Variants in NGF observed in about 807,000 individuals in gnomAD.
NGF encodes nerve growth factor.
A neutral mutation model predicts 12.8 loss-of-function variants in NGF; 4 were observed. The ratio of observed to expected loss-of-function variants is 0.31; its 90% confidence interval spans 0.15 to 0.72. The LOEUF (loss-of-function observed/expected upper bound fraction) is 0.72, where lower values mean the gene tolerates loss of function less well. NGF is among the 30% of genes least tolerant of loss of function. The pLI is 0.69. For missense variants in NGF, 283 were observed against 330.8 expected (o/e 0.86, Z 1.12); for synonymous variants, 140 against 130.0 (o/e 1.08, Z -0.52).
At chr1:115,300,194 A>G (rs1653994419) in intron 1 of NGF, among the ~76,000 whole-genome samples, 1 of 152,202 alleles carries the variant, frequency 6.6e-6, no homozygotes, top group African/African-American at 2.4e-5. Context: ...ATAAGACTAT[A>G]ATGCGATTCA....
At chr1:115,323,619 A>T (rs1318904633) in intron 1 of NGF, among the ~76,000 whole-genome samples, 2 of 152,208 alleles carry the variant, frequency 1.3e-5, no homozygotes, top group African/African-American at 4.8e-5. Flanking sequence ...ACATGAGGGT[A>T]ATTTGACACA....
intron 1 of NGF, among the ~76,000 whole-genome samples, chr1:115,322,702 G>A (rs1018978664): frequency 1.3e-5 from 2 of 152,160 alleles, no homozygotes; most frequent in African/African-American, 4.8e-5. Context: ...TATAAGCATT[G>A]CTATATTTAA....
At chr1:115,289,272 A>G (rs1653611140) in intron 2 of NGF, among the ~76,000 whole-genome samples, 2 of 152,248 alleles carry the variant, frequency 1.3e-5, no homozygotes, top group Non-Finnish European at 2.9e-5. Flanking sequence ...GATACATTAA[A>G]GGAGAAGAAA....
chr1:115,333,513 A>AG (rs1490756324), intron 1 of NGF, among the ~76,000 whole-genome samples: 2 of 151,400 alleles, frequency 1.3e-5, no homozygotes, highest in Non-Finnish European at 2.9e-5. Context: ...AAAAAAAAAA[A>AG]AAAAAAAAAG....
At chr1:115,328,130 G>A (rs1194082525) in intron 1 of NGF, among the ~76,000 whole-genome samples, 2 of 151,402 alleles carry the variant, frequency 1.3e-5, no homozygotes, top group African/African-American at 4.9e-5. Flanking sequence ...GAGTACTAGC[G>A]GTGAAAATGG....
intron 1 of NGF, among the ~76,000 whole-genome samples, chr1:115,328,580 T>C (rs1411761483): frequency 6.6e-6 from 1 of 152,218 alleles, no homozygotes; most frequent in Non-Finnish European, 1.5e-5. Context: ...CTCTCTGCTC[T>C]GGGCAGAAAC....
intron 1 of NGF, among the ~76,000 whole-genome samples, chr1:115,295,526 G>A (rs1653840560): frequency 6.6e-6 from 1 of 152,144 alleles, no homozygotes; most frequent in African/African-American, 2.4e-5. Context: ...TTACTCATGG[G>A]AAGATGGTTT....
chr1:115,337,267 G>GTTTGTTTTTTTT lies in NGF; in HGVS notation c.-137+936_-137+937insAAAAAAAACAAA. On this transcript the variant is annotated intron_variant, in intron 1 of 2. Coordinates refer to ENST00000369512, the MANE Select transcript of NGF (RefSeq NM_002506.3). ...TCGAAATTTTTTTTGTTTTGTTTTT[G>GTTTGTTTTTTTT]TTTTTTTTTTTTTTTTTTTTTTTTT... Among the ~76,000 whole-genome samples the GTTTGTTTTTTTT allele has an allele frequency of 3.0e-3, 247 of 81,020 alleles. 30 individuals carry two copies. Among genetic ancestry groups the GTTTGTTTTTTTT allele is most frequent in the African/African-American group, 3.8e-3 (72 of 18,892 alleles). 53.2% of individuals were successfully genotyped at this position (81,020 alleles called of 152,430 possible). A position where few individuals can be genotyped will look rare whatever the true frequency, so the allele number is the denominator to read the frequency against.
At chr1:115,322,629 G>A (rs1284621528) in intron 1 of NGF, among the ~76,000 whole-genome samples, 8 of 152,164 alleles carry the variant, frequency 5.3e-5, no homozygotes, top group Non-Finnish European at 1.2e-4. Flanking sequence ...GGGAAGACTG[G>A]TTGTGATAAC....
At chr1:115,325,780 T>A (rs1233093815) in intron 1 of NGF, among the ~76,000 whole-genome samples, 1 of 152,180 alleles carries the variant, frequency 6.6e-6, no homozygotes, top group Non-Finnish European at 1.5e-5. Context: ...GATTGGATTC[T>A]GACTACATTT....
At chr1:115,318,401 G>GTGGGGA (rs1571090342) in intron 1 of NGF, among the ~76,000 whole-genome samples, 3 of 152,284 alleles carry the variant, frequency 2.0e-5, no homozygotes, top group East Asian at 3.9e-4. Flanking sequence ...TTTGCCAGCG[G>GTGGGGA]TGGGGATGGG....
chr1:115,309,478 A>C (rs1654286546), intron 1 of NGF, among the ~76,000 whole-genome samples: 2 of 152,170 alleles, frequency 1.3e-5, no homozygotes, highest in South Asian at 4.1e-4. Flanking sequence ...GCAGAATGGC[A>C]GTTTTGTTAC....
chr1:115,286,955 T>C, intron 2 of NGF, 148 bp from the exon 3 acceptor site: 1 of 989,336 alleles, frequency 1.0e-6, no homozygotes, highest in South Asian at 1.4e-5. Flanking sequence ...AAGGGTGTGC[T>C]AGCAATGGTT....
rs58345237 is a variant in NGF at position 115,304,329 on chromosome 1, A to ATTTTTTTTTTTTTTTTTTTTTTTTT, written c.-136-10580_-136-10579insAAAAAAAAAAAAAAAAAAAAAAAAA. On this transcript the variant is annotated intron_variant, in intron 1 of 2. Coordinates refer to ENST00000369512, the MANE Select transcript of NGF (RefSeq NM_002506.3). ...AGGAGCGCACCACCATGCTTGGCTAATTTTTTTTTTTTTTTTGTATTTTTA... is the reference window on the plus strand; with the variant it reads ...AGGAGCGCACCACCATGCTTGGCTAATTTTTTTTTTTTTTTTTTTTTTTTTTTTTTTTTTTTTTTTTGTATTTTTA... Among the ~76,000 whole-genome samples the ATTTTTTTTTTTTTTTTTTTTTTTTT allele has an allele frequency of 3.4e-3, 271 of 80,752 alleles. 20 individuals are homozygous for ATTTTTTTTTTTTTTTTTTTTTTTTT. The highest frequency in any genetic ancestry group is 4.7e-3 in the Non-Finnish European group (185 of 39,546). The allele number at this position is 80,752 out of a possible 152,430, so 53.0% of individuals were successfully genotyped here.
intron 1 of NGF, among the ~76,000 whole-genome samples, chr1:115,309,191 G>C (rs1654279752): frequency 6.6e-6 from 1 of 152,178 alleles, no homozygotes; most frequent in African/African-American, 2.4e-5. Flanking sequence ...TTACTCATCT[G>C]ACTGCCTTAG....
At position 115,297,003 on chromosome 1, in the gene NGF, G is replaced by A. The variant is rs550752362; in HGVS notation, c.-136-3253C>T. ...ATCATGTTCTATTCTTTCTTACAGGGCACAAAGGAATCCTAATAAAGTCTG... is the reference window on the plus strand; with the variant it reads ...ATCATGTTCTATTCTTTCTTACAGGACACAAAGGAATCCTAATAAAGTCTG... On this transcript the variant is annotated intron_variant, in intron 1 of 2. Transcript: ENST00000369512. 7.5e-4 allele frequency among the ~76,000 whole-genome samples: 114 copies of A among 152,254 alleles called. 1 individual carries two copies. Among genetic ancestry groups the A allele is most frequent in the African/African-American group, 2.6e-3 (108 of 41,540 alleles).
intron 2 of NGF, among the ~76,000 whole-genome samples, chr1:115,290,547 C>T (rs778197242): frequency 1.3e-5 from 2 of 151,682 alleles, no homozygotes; most frequent in East Asian, 3.9e-4. Context: ...AGGCACACGC[C>T]GCCACGCCTG....
chr1:115,314,116 A>G (rs1453754683), intron 1 of NGF, among the ~76,000 whole-genome samples: 1 of 152,226 alleles, frequency 6.6e-6, no homozygotes, highest in African/African-American at 2.4e-5. Flanking sequence ...TTGATTCTGT[A>G]GAAGTGTAGC....
At chr1:115,298,702 G>A (rs998465983) in intron 1 of NGF, among the ~76,000 whole-genome samples, 9 of 151,874 alleles carry the variant, frequency 5.9e-5, no homozygotes, top group Admixed American at 3.9e-4. Flanking sequence ...AATCTTTGGT[G>A]TTAAAAATTT....
Sources: allele counts gnomAD v4.1 joint callset (sites outside exome capture counted in the v4.1 genomes callset), GRCh38; gene constraint gnomAD v4.1.1; transcripts MANE v1.5; gene names NCBI Gene and HGNC (gene_info 2026-07-23, HGNC 2026-07-21).